CELF2: variants seen among roughly 807,000 people sequenced by gnomAD.
CELF2 encodes the protein CUGBP Elav-like family member 2, also known as CUG triplet repeat RNA-binding protein 2.
A neutral mutation model predicts 62.6 loss-of-function variants in CELF2; 8 were observed. That is an observed-to-expected ratio of 0.13 (90% CI 0.07 to 0.23). CELF2 has a LOEUF of 0.23. Among genes scored for constraint, CELF2 ranks in the 10% least tolerant of loss-of-function variants. The pLI, the probability that CELF2 is intolerant of heterozygous loss-of-function variation, is 1.00. For missense variants in CELF2, 333 were observed against 671.0 expected, an observed-to-expected ratio of 0.50 and a Z score of 5.56; for synonymous variants, 258 against 250.0, an observed-to-expected ratio of 1.03 and a Z score of -0.30.
intron 1 of CELF2, among the ~76,000 whole-genome samples, chr10:11,153,119 A>G (rs1191440768): frequency 6.6e-6 from 1 of 152,190 alleles, no homozygotes; most frequent in Non-Finnish European, 1.5e-5. Flanking sequence ...GCTCATGCCT[A>G]ATTTTCCCAA....
At chr10:10,495,755 T>C in the CELF2 span, among the ~76,000 whole-genome samples, 1 of 152,202 alleles carries the variant, frequency 6.6e-6, no homozygotes. Context: ...CAGGGAGACC[T>C]GGGCATTTCT....
At chr10:10,492,410 T>C in the CELF2 span, among the ~76,000 whole-genome samples, 3 of 152,216 alleles carry the variant, frequency 2.0e-5, no homozygotes, top group Non-Finnish European at 4.4e-5. Flanking sequence ...TAGATATATA[T>C]GTAACAAACC....
At chr10:10,979,749 A>T (rs1335993775) in intron 2 of CELF2, among the ~76,000 whole-genome samples, 1 of 152,072 alleles carries the variant, frequency 6.6e-6, no homozygotes, top group Non-Finnish European at 1.5e-5. Context: ...CTAAGGAGCG[A>T]ATCAAAGTTG....
the CELF2 span, among the ~76,000 whole-genome samples, chr10:10,645,961 C>T: frequency 5.1e-4 from 77 of 152,310 alleles, no homozygotes; most frequent in Middle Eastern, 3.4e-3. Context: ...CTTCCTGTGG[C>T]TTCAGTTTAC....
chr10:11,148,386 G>A (rs995415579), intron 1 of CELF2, among the ~76,000 whole-genome samples: 2 of 152,216 alleles, frequency 1.3e-5, no homozygotes, highest in African/African-American at 4.8e-5. Flanking sequence ...AATAGGCCAA[G>A]TGTAAATATT....
intron 8 of CELF2, among the ~76,000 whole-genome samples, chr10:11,283,894 T>A (rs201485342): frequency 7.0e-5 from 1 of 14,286 alleles, no homozygotes; most frequent in South Asian, 2.3e-3. Flanking sequence ...GGTGGGTGGA[T>A]GATGGATGAC....
rs191683826 is a variant in CELF2, at chr10:11,119,868, C to G, written c.75-45618C>G. 1.0e-3 allele frequency among the ~76,000 whole-genome samples: 132 copies of G among 130,864 alleles called. 4 individuals are homozygous for G. The highest frequency in any genetic ancestry group is 3.3e-3 in the African/African-American group (119 of 35,564). The allele number at this position is 130,864 out of a possible 152,430, so 85.9% of individuals were successfully genotyped here. A position where few individuals can be genotyped will look rare whatever the true frequency, so the allele number is the denominator to read the frequency against. On this transcript the variant is annotated intron_variant, in intron 1 of 12. Transcript: ENST00000633077. ...GCCTGGCTGCTTGATTCCGCCTCCCCCCCCCCGGCCCCCGCTTTTTTGTTT... is the reference window on the plus strand; with the variant it reads ...GCCTGGCTGCTTGATTCCGCCTCCCGCCCCCCGGCCCCCGCTTTTTTGTTT...
the CELF2 span, among the ~76,000 whole-genome samples, chr10:10,709,632 C>T: frequency 6.6e-6 from 1 of 152,170 alleles, no homozygotes; most frequent in East Asian, 1.9e-4. Context: ...TTCCAAGCTA[C>T]TCAGGATCCA....
At chr10:10,930,287 G>C (rs1232310637) in intron 2 of CELF2, among the ~76,000 whole-genome samples, 1 of 152,158 alleles carries the variant, frequency 6.6e-6, no homozygotes, top group Non-Finnish European at 1.5e-5. Flanking sequence ...GTGATCTCCA[G>C]AGATTTTGAT....
chr10:11,146,962 A>G (rs184065105), intron 1 of CELF2, among the ~76,000 whole-genome samples: 73 of 152,368 alleles, frequency 4.8e-4, no homozygotes, highest in African/African-American at 1.7e-3. Flanking sequence ...GATTTGGTCA[A>G]TCTAGTTCTC....
the CELF2 span, among the ~76,000 whole-genome samples, chr10:10,555,005 C>T: frequency 4.6e-5 from 7 of 151,920 alleles, no homozygotes; most frequent in African/African-American, 1.5e-4. Flanking sequence ...GGTGGAGTTC[C>T]AGGGGCATTA....
intron 2 of CELF2, among the ~76,000 whole-genome samples, chr10:11,213,813 A>G (rs1565344042): frequency 6.6e-6 from 1 of 152,198 alleles, no homozygotes; most frequent in South Asian, 2.1e-4. Context: ...TTAACCAATC[A>G]CTGTACTTGT....
chr10:11,063,806 T>G (rs756077651), intron 1 of CELF2, among the ~76,000 whole-genome samples: 1 of 152,234 alleles, frequency 6.6e-6, no homozygotes, highest in Non-Finnish European at 1.5e-5. Context: ...AATAATTCTT[T>G]AGAGACACTT....
chr10:10,830,278 T>TA (rs1564684131), intron 1 of CELF2, among the ~76,000 whole-genome samples: 78 of 72,868 alleles, frequency 1.1e-3, no homozygotes, highest in African/African-American at 4.4e-3. Context: ...TGGAGTTCCT[T>TA]TAAAAAAAAA....
chr10:11,223,368 C>T lies in CELF2; in HGVS notation c.354+5861C>T, dbSNP rs991484226. Among the ~76,000 whole-genome samples the T allele has an allele frequency of 6.6e-6, 1 of 152,230 alleles. No homozygotes were observed. The highest frequency in any genetic ancestry group is 1.5e-5 in the Non-Finnish European group (1 of 68,036). On this transcript the variant is annotated intron_variant, in intron 3 of 12. Transcript: ENST00000633077. This position sits in a 1 kb window ranked among gnomAD's most constrained non-coding sequence, Gnocchi z 5.1. ...AGCATACAAACGTGTGGAACATACACGTATTCCACACATGTATTCTGCTGC... is the reference window on the plus strand; with the variant it reads ...AGCATACAAACGTGTGGAACATACATGTATTCCACACATGTATTCTGCTGC...
upstream of CELF2, among the ~76,000 whole-genome samples, chr10:11,001,759 A>ATTGTTCTTT (rs2054537378): frequency 6.6e-6 from 1 of 150,688 alleles, no homozygotes; most frequent in African/African-American, 2.5e-5. Flanking sequence ...AGATTTTCTT[A>ATTGTTCTTT]TTGTTCTTTG....
the CELF2 span, among the ~76,000 whole-genome samples, chr10:10,489,192 A>T: frequency 6.6e-6 from 1 of 152,136 alleles, no homozygotes; most frequent in African/African-American, 2.4e-5. Context: ...TACAGAACTT[A>T]ATACTGAAGG....
chr10:10,880,640 G>A (rs1036343630), intron 1 of CELF2, among the ~76,000 whole-genome samples: 5 of 152,132 alleles, frequency 3.3e-5, no homozygotes, highest in Admixed American at 6.6e-5. Flanking sequence ...GCTAAGAAGC[G>A]AACAGACTGG....
At chr10:10,625,322 CACTG>C in the CELF2 span, among the ~76,000 whole-genome samples, 1 of 152,350 alleles carries the variant, frequency 6.6e-6, no homozygotes, top group South Asian at 2.1e-4. Flanking sequence ...CAGCAACAGT[CACTG>C]ACCTTGTACT....
Sources: allele counts gnomAD v4.1 joint callset (sites outside exome capture counted in the v4.1 genomes callset), GRCh38; gene constraint gnomAD v4.1.1; non-coding constraint Gnocchi (gnomAD v3.1); transcripts MANE v1.5; gene names NCBI Gene and HGNC (gene_info 2026-07-23, HGNC 2026-07-21).